The following NREP variants were observed in gnomAD, a reference collection of about 807,000 sequenced individuals.
NREP encodes neuronal regeneration-related protein.
In NREP, 5 loss-of-function variants were observed where a neutral mutation model predicts 8.6. The observed-to-expected ratio is 0.58, with a 90% CI of 0.30 to 1.22. The LOEUF (loss-of-function observed/expected upper bound fraction) is 1.22, where lower values mean the gene tolerates loss of function less well. Ranked by LOEUF, NREP falls within the 50% of genes most tolerant of loss-of-function variation. The pLI, the probability that NREP is intolerant of heterozygous loss-of-function variation, is 0.07. For synonymous variants in NREP, 27 were observed against 28.0 expected (o/e 0.96, Z 0.11); for missense variants, 86 against 82.5 (o/e 1.04, Z -0.17).
chr5:111,810,124 G>A (rs561827323), intron 2 of NREP, among the ~76,000 whole-genome samples: 1 of 152,130 alleles, frequency 6.6e-6, no homozygotes, highest in South Asian at 2.1e-4. Flanking sequence ...GTTGGGGGAG[G>A]GAGAGAAGGA....
intron 2 of NREP, 62 bp from the exon 3 acceptor site, chr5:111,735,569 G>A (rs1414001062): frequency 1.2e-5 from 14 of 1,213,942 alleles, no homozygotes; most frequent in Middle Eastern, 1.9e-4. Context: ...GAAACTACAC[G>A]GGATAACCTT....
At chr5:111,760,862 C>A (rs765944391), upstream of NREP, among the ~76,000 whole-genome samples, 2 of 152,204 alleles carry the variant, frequency 1.3e-5, no homozygotes, top group Non-Finnish European at 2.9e-5. Flanking sequence ...AAAGGATGTA[C>A]TTTAGACACA....
intron 2 of NREP, among the ~76,000 whole-genome samples, chr5:111,848,733 C>T (rs1035790091): frequency 2.0e-5 from 3 of 150,230 alleles, no homozygotes; most frequent in Non-Finnish European, 3.0e-5. Context: ...TGGCATCCAA[C>T]GATATTTCAG....
chr5:111,846,998 A>G (rs1433692819), intron 2 of NREP, among the ~76,000 whole-genome samples: 1 of 152,216 alleles, frequency 6.6e-6, no homozygotes, highest in Non-Finnish European at 1.5e-5. Context: ...TAGGGGACCA[A>G]ACACTAATAA....
intron 2 of NREP, among the ~76,000 whole-genome samples, chr5:111,941,725 T>C (rs1036431835): frequency 6.6e-6 from 1 of 152,080 alleles, no homozygotes; most frequent in Non-Finnish European, 1.5e-5. Context: ...AGGAATGGGA[T>C]TGATAATAAA....
Position 111,886,271 on chromosome 5 carries a change from G to A in NREP, c.135+89003C>T, listed in dbSNP as rs145107953. 0.02 allele frequency among the ~76,000 whole-genome samples: 2,999 copies of A among 152,290 alleles called. 190 individuals carry two copies. In the East Asian group the frequency reaches 0.23, roughly 12 times the overall value. The stretch of plus-strand genomic sequence containing the variant: ...GAAGTGCAAATCAAAACCGCAATGA[G>A]ATACCATCTCACACCAGTTAGAATG... On this transcript the variant is annotated intron_variant, in intron 2 of 3. Coordinates refer to the NREP transcript ENST00000395634.
rs1322679097 is a variant in NREP, at chr5:111,918,599, AG to A, written c.135+56674del. 2.0e-5 allele frequency among the ~76,000 whole-genome samples: 3 copies of A among 152,338 alleles called. No individual in the cohort carries two copies. The East Asian group carries it at 5.8e-4, about 29-fold the overall frequency. ...GATTTTTGACAAACCTGACAAAAAC[AG>A]GCAATGGGGAAAGGATTCCCTATTT... is the stretch of plus-strand genomic sequence containing the variant. On this transcript the variant is annotated intron_variant, in intron 2 of 3. Coordinates refer to the NREP transcript ENST00000395634.
intron 2 of NREP, among the ~76,000 whole-genome samples, chr5:111,833,231 C>T (rs2112938332): frequency 6.6e-6 from 1 of 152,286 alleles, no homozygotes; most frequent in South Asian, 2.1e-4. Flanking sequence ...CAAGGAAAAT[C>T]CTCAGAGGGA....
upstream of NREP, chr5:111,757,830 T>C (rs1581094156): frequency 1.0e-6 from 1 of 961,282 alleles, no homozygotes; most frequent in Admixed American, 6.2e-5. Context: ...AATAAGGAGG[T>C]GGAGGAGGCG....
At chr5:111,883,275 A>G (rs913821386) in intron 2 of NREP, among the ~76,000 whole-genome samples, 39 of 152,350 alleles carry the variant, frequency 2.6e-4, no homozygotes, top group African/African-American at 9.4e-4. Context: ...AGAGCTAACT[A>G]TCCTAAATAT....
intron 2 of NREP, among the ~76,000 whole-genome samples, chr5:111,809,494 CA>C (rs1340597123): frequency 5.7e-4 from 87 of 152,262 alleles, no homozygotes; most frequent in African/African-American, 1.5e-3. Flanking sequence ...GGCTCAATGC[CA>C]TTCCCAGTAG....
chr5:111,874,626 C>T (rs750089837), intron 2 of NREP, among the ~76,000 whole-genome samples: 5 of 152,094 alleles, frequency 3.3e-5, no homozygotes, highest in Admixed American at 6.6e-5. Flanking sequence ...CCTTTGGAGC[C>T]GGAAACCTTA....
In NREP at chr5:111,817,574, G is replaced by A. The variant is rs192756216; in HGVS notation, c.136-82067C>T. On this transcript the variant is annotated intron_variant, in intron 2 of 3. Transcript: ENST00000395634. ...TAATCCCAGCACTTTGGGAGGCCAA[G>A]GTGGGTGGATCACGAGGTCAGGAGA... is the stretch of plus-strand genomic sequence containing the variant. Among the ~76,000 whole-genome samples, 7 of 152,204 alleles carry A rather than the reference G, an allele frequency of 4.6e-5. No individual in the cohort carries two copies. In the East Asian group the frequency reaches 1.2e-3, roughly 25 times the overall value.
intron 2 of NREP, among the ~76,000 whole-genome samples, chr5:111,889,306 CA>C (rs1754337867): frequency 6.6e-6 from 1 of 152,134 alleles, no homozygotes; most frequent in Admixed American, 6.5e-5. Flanking sequence ...CACTTTTACA[CA>C]ATCAGATCTC....
At chr5:111,790,740 G>C (rs1179159238) in intron 2 of NREP, among the ~76,000 whole-genome samples, 4 of 149,312 alleles carry the variant, frequency 2.7e-5, no homozygotes, top group Non-Finnish European at 5.9e-5. Flanking sequence ...ATTAAAATGA[G>C]GATCTAGTTA....
exon 1 of NREP, chr5:111,976,882 T>C: frequency 1.6e-6 from 1 of 620,900 alleles, no homozygotes; most frequent in South Asian, 2.0e-5. Context: ...ATAGCATGAT[T>C]GCACTGCCTG....
chr5:111,832,092 C>T (rs1354054083), intron 2 of NREP, among the ~76,000 whole-genome samples: 1 of 152,116 alleles, frequency 6.6e-6, no homozygotes, highest in Non-Finnish European at 1.5e-5. Flanking sequence ...AGTGAAGTTA[C>T]TCTTACGGGA....
At chr5:111,806,623 A>C (rs1752146842) in intron 2 of NREP, among the ~76,000 whole-genome samples, 1 of 152,224 alleles carries the variant, frequency 6.6e-6, no homozygotes, top group African/African-American at 2.4e-5. Flanking sequence ...AGATTTATTG[A>C]TCAAACATGA....
chr5:111,733,142 T>C (rs1748754359), intron 3 of NREP: 1 of 152,210 alleles, frequency 6.6e-6, no homozygotes, highest in Non-Finnish European at 1.5e-5. Flanking sequence ...CCAGATAATA[T>C]ACATTTCTTC....
Sources: gnomAD v4.1 joint callset for allele counts (sites outside exome capture counted in the v4.1 genomes callset) on GRCh38, gnomAD v4.1.1 for gene constraint, MANE v1.5 for transcripts, NCBI Gene and HGNC (gene_info 2026-07-23, HGNC 2026-07-21) for gene names.